The following ARNT2 variants were observed in gnomAD, a reference collection of about 807,000 sequenced individuals.
ARNT2 encodes ARNT protein 2.
Under a neutral mutation model 91.7 loss-of-function variants are expected in ARNT2, and 36 were observed. The ratio of observed to expected loss-of-function variants is 0.39; its 90% CI spans 0.30 to 0.52. ARNT2 has a LOEUF of 0.52. Among genes scored for constraint, ARNT2 ranks in the 20% least tolerant of loss-of-function variants. ARNT2 has a pLI of 0.72. For synonymous variants in ARNT2, 365 were observed against 347.1 expected (o/e 1.05, Z -0.57); for missense variants, 775 against 939.3 (o/e 0.83, Z 2.29).
chr15:80,517,993 TGG>T (rs1897468200), intron 8 of ARNT2, among the ~76,000 whole-genome samples: 1 of 152,240 alleles, frequency 6.6e-6, no homozygotes, highest in Non-Finnish European at 1.5e-5. Flanking sequence ...CACCTGAGTC[TGG>T]TTCCAGTGCT....
intron 8 of ARNT2, among the ~76,000 whole-genome samples, chr15:80,528,372 ATC>A (rs1491289592): frequency 6.8e-6 from 1 of 147,054 alleles, no homozygotes; most frequent in African/African-American, 2.6e-5. Flanking sequence ...CCATTTATCT[ATC>A]TATCTATCTA....
At chr15:80,490,429 G>A (rs1280886822) in intron 5 of ARNT2, among the ~76,000 whole-genome samples, 1 of 152,250 alleles carries the variant, frequency 6.6e-6, no homozygotes, top group Non-Finnish European at 1.5e-5. Flanking sequence ...GCTAGGAGAG[G>A]ACCCAGCAGT....
chr15:80,576,988 A>G (rs760609106), intron 15 of ARNT2, 23 bp downstream of exon 15: 3 of 1,609,058 alleles, frequency 1.9e-6, no homozygotes, highest in East Asian at 4.5e-5. Context: ...GAGGGGGACA[A>G]TGGCGTGGGA....
chr15:80,462,252 TG>T (rs1357341248), intron 3 of ARNT2, among the ~76,000 whole-genome samples: 3 of 152,134 alleles, frequency 2.0e-5, no homozygotes, highest in African/African-American at 4.8e-5. Context: ...TACCGGCAGC[TG>T]GGGTCAGCTG....
intron 1 of ARNT2, among the ~76,000 whole-genome samples, chr15:80,428,234 C>A (rs1895959768): frequency 6.6e-6 from 1 of 152,222 alleles, no homozygotes; most frequent in Admixed American, 6.5e-5. Context: ...GATGCACAGA[C>A]CCAAAGGGCT....
chr15:80,416,716 T>C (rs893719605), intron 1 of ARNT2, among the ~76,000 whole-genome samples: 2 of 152,180 alleles, frequency 1.3e-5, no homozygotes, highest in Non-Finnish European at 2.9e-5. Context: ...CTCAATTTGG[T>C]TTTGTCTGAT....
At chr15:80,444,547 C>G (rs1390943830) in intron 1 of ARNT2, 1 of 147,634 alleles carries the variant, frequency 6.8e-6, no homozygotes, top group African/African-American at 2.6e-5. Flanking sequence ...ATGGTGTGTG[C>G]ATGTGTGGTT....
intron 1 of ARNT2, among the ~76,000 whole-genome samples, chr15:80,429,620 C>T (rs1895981769): frequency 6.6e-6 from 1 of 152,208 alleles, no homozygotes; most frequent in African/African-American, 2.4e-5. Context: ...GTTGTGGGAA[C>T]TCCCAATTTA....
At chr15:80,454,571 CT>C (rs901827932) in intron 2 of ARNT2, among the ~76,000 whole-genome samples, 9 of 152,306 alleles carry the variant, frequency 5.9e-5, no homozygotes, top group African/African-American at 1.9e-4. Context: ...TCTTGGTGAA[CT>C]TTTATGTGCT....
chr15:80,432,223 G>A (rs4238517), intron 1 of ARNT2, among the ~76,000 whole-genome samples: 111,612 of 152,126 alleles, frequency 0.73, 41,493 homozygotes, highest in Non-Finnish European at 0.79. Flanking sequence ...TCTGGGGCAC[G>A]GGGGGAACGG....
At chr15:80,440,709 C>T (rs1326625804) in intron 1 of ARNT2, among the ~76,000 whole-genome samples, 2 of 152,156 alleles carry the variant, frequency 1.3e-5, no homozygotes, top group Non-Finnish European at 2.9e-5. Flanking sequence ...ATCCAGGGCT[C>T]GGTATCCAGG....
rs1057468424 is a variant in ARNT2, at chr15:80,591,353, C to T, written c.1919-215C>T. On this transcript the variant is annotated intron_variant, in intron 17 of 18. Coordinates refer to ENST00000303329, the MANE Select transcript of ARNT2 (RefSeq NM_014862.4). The surrounding 1 kb of genome is among the most constrained non-coding windows in gnomAD (Gnocchi z 5.1). ...AGAGCCATCCTCTCTGGCCAAGTAC[C>T]TGCACCATTGGGCAAAGGGCTCCTG... 2.6e-5 allele frequency among the ~76,000 whole-genome samples: 4 copies of T among 152,168 alleles called. No homozygotes were observed. Among genetic ancestry groups the T allele is most frequent in the South Asian group, 2.1e-4 (1 of 4,830 alleles).
rs1893276661 is a variant in ARNT2 at position 80,591,343 on chromosome 15, G to A, written c.1919-225G>A. Among the ~76,000 whole-genome samples, 3 of 152,280 alleles carry A rather than the reference G, an allele frequency of 2.0e-5. No homozygotes were observed. The South Asian group carries it at 6.2e-4, about 32-fold the overall frequency. On this transcript the variant is annotated intron_variant, in intron 17 of 18. Coordinates refer to ENST00000303329, the MANE Select transcript of ARNT2 (RefSeq NM_014862.4). This position sits in a 1 kb window ranked among gnomAD's most constrained non-coding sequence, Gnocchi z 5.1. ...GACCTCAGGAAGAGCCATCCTCTCT[G>A]GCCAAGTACCTGCACCATTGGGCAA... is the stretch of plus-strand genomic sequence containing the variant.
At chr15:80,533,820 G>C (rs1297785662) in intron 8 of ARNT2, among the ~76,000 whole-genome samples, 1 of 152,242 alleles carries the variant, frequency 6.6e-6, no homozygotes, top group East Asian at 1.9e-4. Context: ...AGAAGCCTGG[G>C]GGCCTCCTGG....
intron 5 of ARNT2, among the ~76,000 whole-genome samples, chr15:80,488,911 C>T (rs1055220910): frequency 6.6e-6 from 1 of 152,120 alleles, no homozygotes; most frequent in Non-Finnish European, 1.5e-5. Context: ...TATCTTTTAT[C>T]CTAACTTTGA....
chr15:80,432,500 A>G (rs1896025401), intron 1 of ARNT2, among the ~76,000 whole-genome samples: 2 of 152,212 alleles, frequency 1.3e-5, no homozygotes, highest in Non-Finnish European at 2.9e-5. Flanking sequence ...TTGAAACACA[A>G]CCACCCCCAC....
intron 1 of ARNT2, among the ~76,000 whole-genome samples, chr15:80,416,269 T>C (rs2141557470): frequency 6.6e-6 from 1 of 152,216 alleles, no homozygotes; most frequent in South Asian, 2.1e-4. Context: ...TGTGTTGCTA[T>C]TTTACCATGT....
At chr15:80,467,233 C>G (rs374622910) in intron 3 of ARNT2, among the ~76,000 whole-genome samples, 4 of 152,218 alleles carry the variant, frequency 2.6e-5, no homozygotes, top group African/African-American at 9.6e-5. Flanking sequence ...TGGTTGGTGA[C>G]AAGGGGAAAA....
At chr15:80,482,401 CT>C (rs74795598) in intron 5 of ARNT2, among the ~76,000 whole-genome samples, 3,407 of 152,270 alleles carry the variant, frequency 0.022, 112 homozygotes, top group East Asian at 0.13. Flanking sequence ...CATTTGTTGT[CT>C]GGGGCTCATC....
Sources: gnomAD v4.1 joint callset for allele counts (sites outside exome capture counted in the v4.1 genomes callset) on GRCh38, gnomAD v4.1.1 for gene constraint, Gnocchi (gnomAD v3.1) non-coding constraint, MANE v1.5 for transcripts, NCBI Gene and HGNC (gene_info 2026-07-23, HGNC 2026-07-21) for gene names.